Variants in MCPH1 observed in about 807,000 individuals in gnomAD.
MCPH1 encodes the protein microcephalin 1, also known as microcephalin.
In MCPH1, 104 loss-of-function variants were observed where a neutral mutation model predicts 84.5. That is an observed-to-expected ratio of 1.23 (90% CI 1.05 to 1.45). The LOEUF is 1.45. MCPH1 is among the 40% of genes most tolerant of loss of function. The pLI is 0.00. For missense variants in MCPH1, 1,498 were observed against 1,005.7 expected (o/e 1.49, Z -6.62); for synonymous variants, 514 against 366.8 (o/e 1.40, Z -4.58).
At chr8:6,426,381 C>T (rs1801063850) in intron 3 of MCPH1, among the ~76,000 whole-genome samples, 1 of 152,198 alleles carries the variant, frequency 6.6e-6, no homozygotes, top group Non-Finnish European at 1.5e-5. Context: ...AGCCACAGAT[C>T]TGGTTTCTGT....
chr8:6,479,043 T>C (rs753067936), intron 10 of MCPH1, among the ~76,000 whole-genome samples: 3 of 152,222 alleles, frequency 2.0e-5, no homozygotes, highest in African/African-American at 4.8e-5. Context: ...GGTGGACATA[T>C]TGTTTGAGCC....
At chr8:6,464,154 G>A (rs760818644) in intron 9 of MCPH1, among the ~76,000 whole-genome samples, 1 of 152,192 alleles carries the variant, frequency 6.6e-6, no homozygotes, top group African/African-American at 2.4e-5. Context: ...CAGCCGGCCA[G>A]TGAGCTCTGT....
At chr8:6,562,764 G>A (rs1352202632) in intron 12 of MCPH1, 2 of 1,613,866 alleles carry the variant, frequency 1.2e-6, no homozygotes, top group South Asian at 2.2e-5. Context: ...CGTAGGGGCT[G>A]GAGGAAGAGC....
intron 8 of MCPH1, chr8:6,446,667 G>T (rs973186743): frequency 2.3e-5 from 23 of 983,974 alleles, no homozygotes; most frequent in Non-Finnish European, 2.8e-5. Context: ...AAATTCTTTG[G>T]TAGTTAAGAA....
chr8:6,480,967 C>T (rs572430714), intron 11 of MCPH1, 91 bp downstream of exon 11: 4 of 1,433,350 alleles, frequency 2.8e-6, no homozygotes, highest in Middle Eastern at 2.4e-4. Context: ...CTCAGGCCGG[C>T]GTGCACCCTT....
At chr8:6,553,194 G>A (rs1165376339) in intron 12 of MCPH1, among the ~76,000 whole-genome samples, 1 of 152,196 alleles carries the variant, frequency 6.6e-6, no homozygotes, top group East Asian at 1.9e-4. Flanking sequence ...CTGTGTGTGT[G>A]CCACGGAGGG....
At chr8:6,474,129 A>C (rs1364648929) in intron 9 of MCPH1, 2 of 762,476 alleles carry the variant, frequency 2.6e-6, no homozygotes, top group African/African-American at 3.4e-5. Flanking sequence ...CAACCGTGGT[A>C]ATCAACAATA....
intron 4 of MCPH1, among the ~76,000 whole-genome samples, chr8:6,434,849 G>A (rs17609194): frequency 0.11 from 17,256 of 152,230 alleles, 1,144 homozygotes; most frequent in Middle Eastern, 0.24. Context: ...TTTCCCTGGG[G>A]TCCTATAAGA....
chr8:6,409,514 G>A (rs1798243119), intron 2 of MCPH1, 144 bp downstream of exon 2: 4 of 703,266 alleles, frequency 5.7e-6, no homozygotes, highest in African/African-American at 5.3e-5. Flanking sequence ...GAGCCAAAGT[G>A]TGAAGAATTT....
At chr8:6,409,874 C>G (rs1409738625) in intron 2 of MCPH1, among the ~76,000 whole-genome samples, 1 of 151,856 alleles carries the variant, frequency 6.6e-6, no homozygotes, top group Non-Finnish European at 1.5e-5. Context: ...GAGCGTTGTT[C>G]AGTATTCAAG....
At chr8:6,411,083 C>T (rs1338400002) in intron 2 of MCPH1, among the ~76,000 whole-genome samples, 1 of 152,068 alleles carries the variant, frequency 6.6e-6, no homozygotes, top group African/African-American at 2.4e-5. Context: ...GAGTAAGATT[C>T]TGTCTCCAAA....
At chr8:6,634,031 A>G (rs1797357332) in intron 13 of MCPH1, among the ~76,000 whole-genome samples, 1 of 152,228 alleles carries the variant, frequency 6.6e-6, no homozygotes, top group South Asian at 2.1e-4. Context: ...ACAGAAGGAT[A>G]CGCTTTTGAA....
At chr8:6,617,153 T>A (rs1456759896) in intron 12 of MCPH1, 1 of 152,138 alleles carries the variant, frequency 6.6e-6, no homozygotes, top group East Asian at 1.9e-4. Context: ...TCATTAAATG[T>A]GTTCTTCGGA....
intron 1 of MCPH1, among the ~76,000 whole-genome samples, chr8:6,407,469 C>G (rs1227526915): frequency 6.6e-6 from 1 of 152,038 alleles, no homozygotes; most frequent in Non-Finnish European, 1.5e-5. Flanking sequence ...TATATGATAC[C>G]GCACGCAGTC....
intron 12 of MCPH1, among the ~76,000 whole-genome samples, chr8:6,596,219 C>A (rs138614145): frequency 6.6e-6 from 1 of 152,154 alleles, no homozygotes; most frequent in African/African-American, 2.4e-5. Flanking sequence ...CTGCCACGAA[C>A]TGGCACTGTG....
At chr8:6,633,983 T>G (rs761217376) in intron 13 of MCPH1, among the ~76,000 whole-genome samples, 6 of 151,990 alleles carry the variant, frequency 3.9e-5, no homozygotes, top group Non-Finnish European at 7.4e-5. Context: ...TACAGAAGAG[T>G]ATGGTGTTGG....
intron 12 of MCPH1, among the ~76,000 whole-genome samples, chr8:6,572,942 A>G (rs1362289377): frequency 6.6e-6 from 1 of 152,290 alleles, no homozygotes; most frequent in African/African-American, 2.4e-5. Flanking sequence ...TACTTATTTA[A>G]GAAGAACATA....
chr8:6,549,581 C>T (rs1041476686), intron 12 of MCPH1, among the ~76,000 whole-genome samples: 28 of 150,648 alleles, frequency 1.9e-4, no homozygotes, highest in African/African-American at 6.6e-4. Context: ...GCGTGCAGGG[C>T]GGGAAGCCTT....
intron 12 of MCPH1, among the ~76,000 whole-genome samples, chr8:6,507,303 G>A (rs1813944977): frequency 6.6e-6 from 1 of 152,054 alleles, no homozygotes; most frequent in Non-Finnish European, 1.5e-5. Context: ...TGTTACCTTT[G>A]GTTTTCCTGG....
Sources: gnomAD v4.1 joint callset for allele counts (sites outside exome capture counted in the v4.1 genomes callset) on GRCh38, gnomAD v4.1.1 for gene constraint, MANE v1.5 for transcripts, NCBI Gene and HGNC (gene_info 2026-07-23, HGNC 2026-07-21) for gene names.